RAD17: variants seen among roughly 807,000 people sequenced by gnomAD.
RAD17 encodes the protein cell cycle checkpoint protein RAD17.
Under a neutral mutation model 81.5 loss-of-function variants are expected in RAD17, and 31 were observed. That is an observed-to-expected ratio of 0.38 (90% CI 0.29 to 0.51). RAD17 has a LOEUF of 0.51. Ranked by LOEUF, RAD17 falls within the 20% of genes least tolerant of loss-of-function variation. RAD17 has a pLI of 0.88. For synonymous variants in RAD17, 261 were observed against 266.2 expected (o/e 0.98, Z 0.19); for missense variants, 681 against 781.2 (o/e 0.87, Z 1.53).
At chr5:69,403,241 T>C (rs780956556) in intron 17 of RAD17, among the ~76,000 whole-genome samples, 1 of 152,222 alleles carries the variant, frequency 6.6e-6, no homozygotes, top group Non-Finnish European at 1.5e-5. Context: ...GTGTTTTTAG[T>C]CTCCCTTGAT....
intron 17 of RAD17, among the ~76,000 whole-genome samples, chr5:69,405,822 C>A (rs1178604926): frequency 6.6e-6 from 1 of 152,068 alleles, no homozygotes; most frequent in Non-Finnish European, 1.5e-5. Flanking sequence ...AGGCGGATCA[C>A]TTGAGGCCAG....
chr5:69,373,938 A>C lies in RAD17; in HGVS notation c.118A>C (p.Asn40His), dbSNP rs1458928377. 6.2e-7 allele frequency: 1 copy of C among 1,613,466 alleles called. No homozygotes were observed. The highest frequency in any genetic ancestry group is 8.5e-7 in the Non-Finnish European group (1 of 1,179,562). Residue 40 changes from asparagine to histidine, a missense_variant, in exon 5 of 19, where the codon AAT becomes CAT. Physicochemically the swap from Asn to His is moderately conservative, Grantham distance 68. Transcript: ENST00000354868. ...GAATAACTCAAGTCATAGAAGAAAA[A>C]ATGGGCCTTCTACATTAGAAAGCAG... Reference protein sequence around the residue: ...GVNNSSHRRKNGPSTLESSRF... With the variant: ...GVNNSSHRRKHGPSTLESSRF...
intron 17 of RAD17, among the ~76,000 whole-genome samples, chr5:69,401,624 C>A (rs1361438351): frequency 1.3e-5 from 2 of 152,082 alleles, no homozygotes; most frequent in African/African-American, 4.8e-5. Flanking sequence ...AACTTTTGGG[C>A]AGTGGTCATG....
At chr5:69,410,645 G>A (rs1010065146) in intron 18 of RAD17, 95 bp downstream of exon 18, 3 of 1,146,630 alleles carry the variant, frequency 2.6e-6, no homozygotes, top group Non-Finnish European at 3.9e-6. Flanking sequence ...TAACATCCAA[G>A]AAAGACATAC....
intron 1 of RAD17, chr5:69,370,353 G>T (rs1331697174): frequency 2.6e-5 from 4 of 151,872 alleles, no homozygotes; most frequent in African/African-American, 9.7e-5. Flanking sequence ...ACCTTTTTTT[G>T]TTTGTTTGTT....
chr5:69,372,844 C>T (rs554274658), intron 4 of RAD17, among the ~76,000 whole-genome samples: 1 of 152,078 alleles, frequency 6.6e-6, no homozygotes, highest in African/African-American at 2.4e-5. Flanking sequence ...CTCCTGGGCT[C>T]AGCAATCCTA....
intron 17 of RAD17, among the ~76,000 whole-genome samples, chr5:69,407,130 G>A (rs756705651): frequency 1.3e-4 from 19 of 151,018 alleles, no homozygotes; most frequent in Non-Finnish European, 2.5e-4. Flanking sequence ...AGCCTCCTGA[G>A]TAGCTTGAAT....
chr5:69,391,854 A>G lies in RAD17; in HGVS notation c.1030A>G (p.Lys344Glu). The G allele has an allele frequency of 6.4e-7, 1 of 1,558,966 alleles. No homozygotes were observed. The change falls in exon 13 of 19, where the codon AAA (lysine) becomes GAA (glutamate). Residue 344 changes from lysine (K) to glutamate (E), a missense_variant. Physicochemically the swap from Lys to Glu is moderately conservative, Grantham distance 56 (BLOSUM62 1). Coordinates refer to ENST00000354868, the MANE Select transcript of RAD17 (RefSeq NM_133338.3). ...AGGAGAAAACAACTTACGGCCAAGG[A>G]AAAAAGGAATGTCTTTAAAATCAGA... Reference protein sequence around the residue: ...SKGENNLRPRKKGMSLKSDAV... With the variant: ...SKGENNLRPREKGMSLKSDAV...
At chr5:69,381,167 T>C (rs1763832281) in intron 6 of RAD17, among the ~76,000 whole-genome samples, 2 of 152,124 alleles carry the variant, frequency 1.3e-5, no homozygotes, top group Admixed American at 6.6e-5. Flanking sequence ...ACTTATATCA[T>C]CCAATGAGAT....
In RAD17 at chr5:69,410,558, G is replaced by T; in HGVS notation, c.1751+8G>T. ...GAAGCGACACTTTGGAAGGTAAGCT[G>T]ATCATCTCAATTTCCAAAAAGCTGA... On this transcript the variant is annotated splice_region_variant and intron_variant, in intron 18 of 18. Coordinates refer to ENST00000354868, the MANE Select transcript of RAD17 (RefSeq NM_133338.3). 6.2e-7 allele frequency: 1 copy of T among 1,611,678 alleles called. No homozygotes were observed. Among genetic ancestry groups the T allele is most frequent in the South Asian group, 1.1e-5 (1 of 90,890 alleles).
chr5:69,406,620 G>A (rs1030867979), intron 17 of RAD17, among the ~76,000 whole-genome samples: 1 of 151,942 alleles, frequency 6.6e-6, no homozygotes. Flanking sequence ...TCCTACCTCA[G>A]CCTACTGAGT....
intron 6 of RAD17, among the ~76,000 whole-genome samples, chr5:69,376,880 A>G (rs532127941): frequency 6.6e-6 from 1 of 152,050 alleles, no homozygotes; most frequent in South Asian, 2.1e-4. Context: ...CAGCCTCCCG[A>G]GTAGCTGGAA....
At chr5:69,369,319 C>G (rs1363034260), upstream of RAD17, 2 of 856,848 alleles carry the variant, frequency 2.3e-6, no homozygotes, top group East Asian at 3.4e-5. Flanking sequence ...AGGGTCGGCT[C>G]CCGGGGCGCT....
intron 17 of RAD17, among the ~76,000 whole-genome samples, chr5:69,402,124 T>G (rs898803784): frequency 1.3e-5 from 2 of 150,006 alleles, no homozygotes; most frequent in African/African-American, 4.9e-5. Flanking sequence ...CTCGACTTAC[T>G]GCAACCTCTG....
At chr5:69,398,123 A>G (rs1765017170) in intron 16 of RAD17, among the ~76,000 whole-genome samples, 1 of 152,124 alleles carries the variant, frequency 6.6e-6, no homozygotes, top group African/African-American at 2.4e-5. Context: ...TCTAAAAAAA[A>G]AAAAAGAAAA....
chr5:69,403,099 A>G (rs1177467762), intron 17 of RAD17, among the ~76,000 whole-genome samples: 2 of 152,180 alleles, frequency 1.3e-5, no homozygotes, highest in Non-Finnish European at 2.9e-5. Context: ...TCAGCCTCCC[A>G]AAGGGCTAGG....
intron 11 of RAD17, among the ~76,000 whole-genome samples, chr5:69,387,144 C>T (rs994129471): frequency 6.6e-5 from 10 of 152,018 alleles, no homozygotes; most frequent in African/African-American, 1.9e-4. Context: ...AGGCTGGTCT[C>T]GAATTCCTGG....
At chr5:69,413,515 G>T (rs1297284290) in intron 18 of RAD17, among the ~76,000 whole-genome samples, 1 of 152,104 alleles carries the variant, frequency 6.6e-6, no homozygotes, top group Non-Finnish European at 1.5e-5. Flanking sequence ...TGTTGTTGTG[G>T]TTTGGTTTGG....
rs1210954237 is a variant in RAD17 at position 69,389,231 on chromosome 5, T to TA, written c.1006+87dup. 1.1e-5 allele frequency: 9 copies of TA among 832,548 alleles called. No individual in the cohort carries two copies. In the African/African-American group the frequency reaches 1.6e-4, roughly 15 times the overall value. 51.6% of individuals were successfully genotyped at this position (832,548 alleles called of 1,614,324 possible). ...TTCAATGAAATCAAACATTTTAACT[T>TA]ACATTTGGTCTATACCTATTTATCC... On this transcript the variant is annotated intron_variant, in intron 12 of 18. Coordinates refer to ENST00000354868, the MANE Select transcript of RAD17 (RefSeq NM_133338.3).
Sources: allele counts gnomAD v4.1 joint callset (sites outside exome capture counted in the v4.1 genomes callset), GRCh38; gene constraint gnomAD v4.1.1; transcripts MANE v1.5; gene names NCBI Gene and HGNC (gene_info 2026-07-23, HGNC 2026-07-21).